MAML3: variants seen among roughly 807,000 people sequenced by gnomAD.
The protein encoded by MAML3 is mastermind-like protein 3.
MAML3 carries 27 observed loss-of-function variants against 101.9 expected under a neutral mutation model. That is an observed-to-expected ratio of 0.27 (90% CI 0.20 to 0.37). The LOEUF (loss-of-function observed/expected upper bound fraction) is 0.37, where lower values mean the gene tolerates loss of function less well. MAML3 is among the 10% of genes least tolerant of loss of function. The probability of loss-of-function intolerance (pLI) is 1.00; values close to 1 mark genes in which losing one functional copy is unlikely to be tolerated. For missense variants in MAML3, 1,316 were observed against 1,444.9 expected (o/e 0.91, Z 1.45); for synonymous variants, 501 against 555.9 (o/e 0.90, Z 1.39).
At chr4:140,028,682 T>C (rs556555849) in intron 1 of MAML3, among the ~76,000 whole-genome samples, 2 of 152,326 alleles carry the variant, frequency 1.3e-5, no homozygotes, top group African/African-American at 4.8e-5. Context: ...AGCTCAGCCA[T>C]TTTGCCATCA....
chr4:140,003,527 G>A (rs1726372732), intron 1 of MAML3, among the ~76,000 whole-genome samples: 1 of 152,160 alleles, frequency 6.6e-6, no homozygotes, highest in Non-Finnish European at 1.5e-5. Flanking sequence ...GATTCAACTC[G>A]AATAGCTGAG....
chr4:140,139,917 C>A (rs915417299), intron 1 of MAML3, among the ~76,000 whole-genome samples: 2 of 152,132 alleles, frequency 1.3e-5, no homozygotes, highest in African/African-American at 4.8e-5. Context: ...AGCAAACACA[C>A]AAAAAATAAG....
At chr4:140,094,002 G>C (rs1011758542) in intron 1 of MAML3, among the ~76,000 whole-genome samples, 1 of 152,224 alleles carries the variant, frequency 6.6e-6, no homozygotes, top group African/African-American at 2.4e-5. Context: ...CTGAGGCTGA[G>C]CCAGAAGAGA....
At chr4:140,068,854 G>A (rs77987674) in intron 1 of MAML3, among the ~76,000 whole-genome samples, 451 of 152,244 alleles carry the variant, frequency 3.0e-3, no homozygotes, top group African/African-American at 0.01. Context: ...TAAGCATTGA[G>A]TTAATGTTAG....
chr4:139,790,846 T>C (rs547664125), intron 2 of MAML3, among the ~76,000 whole-genome samples: 1 of 152,346 alleles, frequency 6.6e-6, no homozygotes, highest in South Asian at 2.1e-4. Context: ...AATAATGCTG[T>C]ACCTGAGTAA....
intron 1 of MAML3, among the ~76,000 whole-genome samples, chr4:139,946,264 C>T (rs988697091): frequency 3.3e-5 from 5 of 152,078 alleles, no homozygotes; most frequent in African/African-American, 1.2e-4. Context: ...TCATAATAGC[C>T]GTTTTTGAAG....
intron 2 of MAML3, among the ~76,000 whole-genome samples, chr4:139,828,731 T>TA (rs1229224315): frequency 0.028 from 2,178 of 77,086 alleles, 41 homozygotes; most frequent in African/African-American, 0.084. Context: ...TTTTTTTTTT[T>TA]TAAAAACATA....
intron 2 of MAML3, among the ~76,000 whole-genome samples, chr4:139,879,060 C>A (rs957167233): frequency 6.6e-6 from 1 of 152,148 alleles, no homozygotes; most frequent in Admixed American, 6.5e-5. Context: ...CTACTTTGTC[C>A]TATTCAGAGA....
intron 1 of MAML3, among the ~76,000 whole-genome samples, chr4:140,004,375 T>C (rs1111339): frequency 1.3e-5 from 2 of 151,156 alleles, no homozygotes; most frequent in East Asian, 3.9e-4. Flanking sequence ...TTCAAGAACG[T>C]AATTCCCAGA....
chr4:140,056,604 C>T (rs1727353255), intron 1 of MAML3, among the ~76,000 whole-genome samples: 1 of 151,864 alleles, frequency 6.6e-6, no homozygotes, highest in South Asian at 2.1e-4. Flanking sequence ...ATCAGGATTT[C>T]GAGACCCACC....
Position 139,720,253 on chromosome 4 carries a change from C to G in MAML3, c.2487G>C (p.Met829Ile). Residue 829 changes from methionine to isoleucine, a missense_variant, in exon 5 of 5, where the codon ATG (methionine) becomes ATC (isoleucine). By Grantham distance (10) the Met-to-Ile change is conservative. Coordinates refer to ENST00000509479, the MANE Select transcript of MAML3 (RefSeq NM_018717.5). ...ALQSMRTSRLMAQNAGMMGIG... is the reference protein window; with the variant it reads ...ALQSMRTSRLIAQNAGMMGIG... Reference sequence around the variant, plus strand: ...TTCCCATCATGCCTGCGTTCTGTGCCATCAGCCGTGACGTTCGCATGCTCT... The same window carrying G: ...TTCCCATCATGCCTGCGTTCTGTGCGATCAGCCGTGACGTTCGCATGCTCT... The G allele has an allele frequency of 6.2e-7, 1 of 1,600,330 alleles. No homozygotes were observed. The highest frequency in any genetic ancestry group is 1.1e-5 in the South Asian group (1 of 89,172).
intron 1 of MAML3, among the ~76,000 whole-genome samples, chr4:140,147,120 A>G (rs558517796): frequency 9.4e-6 from 1 of 106,246 alleles, no homozygotes; most frequent in African/African-American, 3.9e-5. Context: ...CGGCAGAGTG[A>G]GACTCCATCT....
rs912716560 is a variant in MAML3, at chr4:139,719,006, G to T, written c.*317C>A. ...CTCTCGGCTGAAGCAGCTCCTGCTG[G>T]GCCAGGCGATCACAGGGCATGCTGG... On this transcript the variant is annotated 3_prime_UTR_variant, in exon 5 of 5. Transcript: ENST00000509479. 9 of 291,896 alleles carry T rather than the reference G, an allele frequency of 3.1e-5. No individual in the cohort carries two copies. The highest frequency in any genetic ancestry group is 2.0e-4 in the African/African-American group (9 of 46,046). 18.1% of individuals were successfully genotyped at this position (291,896 alleles called of 1,614,324 possible).
At chr4:139,883,597 G>A (rs1288451937) in intron 2 of MAML3, among the ~76,000 whole-genome samples, 1 of 152,102 alleles carries the variant, frequency 6.6e-6, no homozygotes, top group Non-Finnish European at 1.5e-5. Context: ...AGTATAAGTA[G>A]CTGCACCCCC....
chr4:139,833,451 C>T (rs1032601007), intron 2 of MAML3, among the ~76,000 whole-genome samples: 3 of 151,898 alleles, frequency 2.0e-5, no homozygotes, highest in Admixed American at 2.0e-4. Flanking sequence ...TGTACATGTT[C>T]GATTTGGGGA....
At chr4:139,928,009 G>A (rs775228069) in intron 1 of MAML3, among the ~76,000 whole-genome samples, 6 of 152,122 alleles carry the variant, frequency 3.9e-5, no homozygotes, top group South Asian at 2.1e-4. Context: ...AGTAATATAC[G>A]TGTGTATGCT....
chr4:140,060,904 G>A (rs146242403), intron 1 of MAML3, among the ~76,000 whole-genome samples: 15 of 152,238 alleles, frequency 9.9e-5, no homozygotes, highest in Non-Finnish European at 1.9e-4. Flanking sequence ...TCAGTCACAG[G>A]GCCCAGGTTC....
At chr4:139,989,120 C>A (rs545481577) in intron 1 of MAML3, among the ~76,000 whole-genome samples, 4 of 152,308 alleles carry the variant, frequency 2.6e-5, no homozygotes, top group African/African-American at 9.6e-5. Context: ...CGAGAGCACA[C>A]TCCAGAGACA....
chr4:139,773,011 A>T (rs1234984412), intron 2 of MAML3, among the ~76,000 whole-genome samples: 2 of 152,138 alleles, frequency 1.3e-5, no homozygotes. Context: ...GGATAATATT[A>T]TAAGAAAATC....
Sources: allele counts gnomAD v4.1 joint callset (sites outside exome capture counted in the v4.1 genomes callset), GRCh38; gene constraint gnomAD v4.1.1; transcripts MANE v1.5; gene names NCBI Gene and HGNC (gene_info 2026-07-23, HGNC 2026-07-21).